Variants in FTCD observed in about 807,000 individuals in gnomAD.
The protein encoded by FTCD is formimidoyltransferase-cyclodeaminase.
In FTCD, 76 loss-of-function variants were observed where a neutral mutation model predicts 62.9. The ratio of observed to expected loss-of-function variants is 1.21; its 90% confidence interval spans 1.00 to 1.46. The LOEUF (loss-of-function observed/expected upper bound fraction) is 1.46, where lower values mean the gene tolerates loss of function less well. FTCD is among the 40% of genes most tolerant of loss of function. The probability of loss-of-function intolerance (pLI) is 0.00; values close to 1 mark genes in which losing one functional copy is unlikely to be tolerated. For synonymous variants in FTCD, 397 were observed against 336.9 expected (o/e 1.18, Z -1.95); for missense variants, 845 against 751.3 (o/e 1.12, Z -1.46).
In FTCD at chr21:46,150,161, C is replaced by T; in HGVS notation, c.864G>A (p.Lys288=). The T allele has an allele frequency of 6.2e-7, 1 of 1,610,874 alleles. No homozygotes were observed. The highest frequency in any genetic ancestry group is 8.5e-7 in the Non-Finnish European group (1 of 1,179,218). ...CCTCCTCCAGGATGAAGAGGTTCTC[C>T]TTCTCGCAGTAGAAGGCGGCCGCAT... ...LLDAAAFYCE[K]ENLFILEEEQ... The change falls in exon 7 of 14, where the codon AAG becomes AAA. Residue 288 remains lysine (K), a synonymous_variant. Transcript: ENST00000397746.
chr21:46,138,458 C>A (rs962718994), intron 12 of FTCD, 50 bp downstream of exon 12: 1 of 1,540,044 alleles, frequency 6.5e-7, no homozygotes, highest in Admixed American at 1.9e-5. Flanking sequence ...GCCCCAACAG[C>A]TGCTTCCTGC....
chr21:46,145,928 C>A lies in FTCD; in HGVS notation c.988G>T (p.Gly330Trp). The stretch of plus-strand genomic sequence containing the variant: ...TTGCTGCCCAGGCCTCGCTCAGGCC[C>A]GCGCTCAGGGACCAGGTACCTGCAG... ...RIIEYLVPER[G>W]PERGLGSKSL... Residue 330 changes from glycine (G) to tryptophan (W), a missense_variant, in exon 9 of 14, where the codon GGG (glycine) becomes TGG (tryptophan). Gly to Trp is a radical substitution (Grantham distance 184). Transcript: ENST00000397746. 6.6e-7 allele frequency: 1 copy of A among 1,505,470 alleles called. No homozygotes were observed. The highest frequency in any genetic ancestry group is 8.8e-7 in the Non-Finnish European group (1 of 1,133,610). The allele number at this position is 1,505,470 out of a possible 1,614,324, so 93.3% of individuals were successfully genotyped here.
intron 10 of FTCD, among the ~76,000 whole-genome samples, chr21:46,140,078 G>T (rs914778113): frequency 6.6e-6 from 1 of 152,222 alleles, no homozygotes; most frequent in Non-Finnish European, 1.5e-5. Context: ...TATGTATTTG[G>T]TGCAAGGTAC....
chr21:46,146,611 G>A (rs2079153885), intron 7 of FTCD: 1 of 554,858 alleles, frequency 1.8e-6, no homozygotes, highest in East Asian at 3.0e-5. Flanking sequence ...GTTGCCCCCT[G>A]GGGACCCCTC....
chr21:46,145,698 C>T, intron 9 of FTCD, 120 bp from the exon 10 acceptor site: 2 of 725,772 alleles, frequency 2.8e-6, no homozygotes, highest in Middle Eastern at 4.3e-4. Flanking sequence ...CCCCACGTCT[C>T]CACCCAGGGC....
In FTCD at chr21:46,144,253, C is replaced by G. The variant is rs930610121; in HGVS notation, c.1260+1164G>C. On this transcript the variant is annotated intron_variant, in intron 10 of 13. Coordinates refer to ENST00000397746, the MANE Select transcript of FTCD (RefSeq NM_206965.2). ...CCGTGTCTTAGTGGTAGTGGTCCCC[C>G]GGGCCCAGCTGTCTTTTCTTCTCTT... is the stretch of plus-strand genomic sequence containing the variant. 4.6e-5 allele frequency among the ~76,000 whole-genome samples: 7 copies of G among 151,354 alleles called. No individual in the cohort carries two copies. The South Asian group carries it at 6.3e-4, about 14-fold the overall frequency.
At chr21:46,155,254 C>A (rs2123592132) in intron 1 of FTCD, among the ~76,000 whole-genome samples, 1 of 152,296 alleles carries the variant, frequency 6.6e-6, no homozygotes, top group African/African-American at 2.4e-5. Context: ...AAGCCTCAGC[C>A]CCCACAAGCA....
Position 46,152,995 on chromosome 21 carries a change from G to A in FTCD, c.279C>T (p.Phe93=). ...PRMGALDVCP[F]IPVRGVSVDE... The stretch of plus-strand genomic sequence containing the variant: ...CCACGCTGACGCCCCTCACGGGGAT[G>A]AAGGGGCAGACGTCTAGGGCCCCCA... Residue 93 remains phenylalanine (F), a synonymous_variant, in exon 3 of 14, where the codon TTC becomes TTT. Coordinates refer to ENST00000397746, the MANE Select transcript of FTCD (RefSeq NM_206965.2). 1.3e-6 allele frequency: 2 copies of A among 1,551,220 alleles called. No individual in the cohort carries two copies. Among genetic ancestry groups the A allele is most frequent in the African/African-American group, 1.4e-5 (1 of 73,378 alleles).
chr21:46,139,009 G>A (rs2078936065), intron 10 of FTCD, 86 bp from the exon 11 acceptor site: 14 of 1,021,754 alleles, frequency 1.4e-5, no homozygotes, highest in African/African-American at 3.1e-5. Context: ...GCTGTAGCAA[G>A]GAGCATGTCC....
At chr21:46,144,289 C>T (rs1331791470) in intron 10 of FTCD, among the ~76,000 whole-genome samples, 1 of 150,400 alleles carries the variant, frequency 6.6e-6, no homozygotes, top group East Asian at 2.0e-4. Flanking sequence ...TGTCTTGTGT[C>T]TTTATTTCTA....
Position 46,145,513 on chromosome 21 carries a change from G to A in FTCD, c.1164C>T (p.Asp388=), listed in dbSNP as rs997493162. The A allele has an allele frequency of 1.3e-6, 2 of 1,550,266 alleles. No homozygotes were observed. Among genetic ancestry groups the A allele is most frequent in the East Asian group, 2.4e-5 (1 of 40,940 alleles). Residue 388 remains aspartate (D), a synonymous_variant, in exon 10 of 14, where the codon GAC becomes GAT. Transcript: ENST00000397746. ...GCGGGATCAGGCGCCGCATCGTCGT[G>A]TCCAGGGACTGGAATTGGCGCCGCC... ...TYGRRQFQSL[D]TTMRRLIPPF...
chr21:46,138,461 C>CTT lies in FTCD; in HGVS notation c.1443+45_1443+46dup, dbSNP rs771613672. 4.5e-6 allele frequency: 7 copies of CTT among 1,547,060 alleles called. No homozygotes were observed. In the African/African-American group the frequency reaches 8.1e-5, roughly 18 times the overall value. On this transcript the variant is annotated intron_variant, in intron 12 of 13. Coordinates refer to ENST00000397746, the MANE Select transcript of FTCD (RefSeq NM_206965.2). The stretch of plus-strand genomic sequence containing the variant: ...TCCAGCAACTCAGCCCCAACAGCTG[C>CTT]TTCCTGCTTTGCGGCAGGAGGCCTG...
At chr21:46,136,655 G>T (rs557486570), downstream of FTCD, 4 of 1,472,406 alleles carry the variant, frequency 2.7e-6, no homozygotes, top group East Asian at 2.5e-5. Context: ...GTCTCCTCAC[G>T]CTGCAACCCC....
Position 46,152,921 on chromosome 21 carries a change from T to C in FTCD, c.353A>G (p.Glu118Gly), listed in dbSNP as rs763684445. The C allele has an allele frequency of 8.3e-6, 13 of 1,568,844 alleles. No homozygotes were observed. Among genetic ancestry groups the C allele is most frequent in the Non-Finnish European group, 1.1e-5 (13 of 1,157,310 alleles). ...GGCACGCTCACCTGGCACGTCCAGC[T>C]CCTCTGCCAGCCTCTGGCCAAAGGC... ...AQAFGQRLAE[E>G]LDVPVYLYGE... The change falls in exon 3 of 14, where the codon GAG (glutamate) becomes GGG (glycine). Residue 118 changes from glutamate to glycine, a missense_variant. Coordinates refer to ENST00000397746, the MANE Select transcript of FTCD (RefSeq NM_206965.2).
chr21:46,139,134 G>A, intron 10 of FTCD: 1 of 609,518 alleles, frequency 1.6e-6, no homozygotes, highest in South Asian at 1.9e-5. Flanking sequence ...CACAGCAGAT[G>A]GTCAGAGACC....
intron 12 of FTCD, 88 bp from the exon 13 acceptor site, chr21:46,137,422 G>A: frequency 1.9e-6 from 2 of 1,028,356 alleles, no homozygotes; most frequent in South Asian, 2.5e-5. Context: ...TCTGGGACAG[G>A]CCGGACTTCG....
chr21:46,141,757 A>G (rs1050086031), intron 10 of FTCD, among the ~76,000 whole-genome samples: 2 of 152,204 alleles, frequency 1.3e-5, no homozygotes, highest in Non-Finnish European at 2.9e-5. Flanking sequence ...GCCCCAAGAG[A>G]AACTAAGATA....
In FTCD at chr21:46,136,916, G is replaced by A. The variant is rs760014320; in HGVS notation, c.*71C>T. On this transcript the variant is annotated 3_prime_UTR_variant, in exon 14 of 14. Coordinates refer to ENST00000397746, the MANE Select transcript of FTCD (RefSeq NM_206965.2). ...CACACGAACAAGCTGTGTCCCCACC[G>A]AGGTCACAGCTCTGCCCTCTGGGGA... 218 of 1,608,106 alleles carry A rather than the reference G, an allele frequency of 1.4e-4. No homozygotes were observed. The highest frequency in any genetic ancestry group is 4.7e-5 in the Non-Finnish European group (55 of 1,178,106).
chr21:46,150,025 A>G, intron 7 of FTCD, 94 bp downstream of exon 7: 5 of 1,155,048 alleles, frequency 4.3e-6, no homozygotes, highest in Admixed American at 1.9e-5. Context: ...GAGGAGGGGG[A>G]GGGAAGCTGC....
Sources: gnomAD v4.1 joint callset for allele counts (sites outside exome capture counted in the v4.1 genomes callset) on GRCh38, gnomAD v4.1.1 for gene constraint, MANE v1.5 for transcripts, NCBI Gene and HGNC (gene_info 2026-07-23, HGNC 2026-07-21) for gene names.